FOCAD: variants seen among roughly 807,000 people sequenced by gnomAD.
The protein encoded by FOCAD is KIAA1797.
FOCAD carries 198 observed loss-of-function variants against 225.6 expected under a neutral mutation model. That is an observed-to-expected ratio of 0.88 (90% CI 0.78 to 0.99). FOCAD has a LOEUF of 0.99. FOCAD is among the 50% of genes least tolerant of loss of function. The probability of loss-of-function intolerance (pLI) is 0.00; values close to 1 mark genes in which losing one functional copy is unlikely to be tolerated. For missense variants in FOCAD, 2,713 were observed against 2,123.6 expected, an observed-to-expected ratio of 1.28 and a Z score of -5.46; for synonymous variants, 897 against 755.0, an observed-to-expected ratio of 1.19 and a Z score of -3.08.
intron 15 of FOCAD, among the ~76,000 whole-genome samples, chr9:20,835,443 G>C (rs1191345809): frequency 6.6e-6 from 1 of 152,060 alleles, no homozygotes; most frequent in East Asian, 1.9e-4. Flanking sequence ...AAAAGTGTGA[G>C]TGTAGTTTAG....
rs367871595 is a variant in FOCAD, at chr9:20,733,066, T to C, written c.288-7170T>C. On this transcript the variant is annotated intron_variant, in intron 4 of 43. Transcript: ENST00000338382. ...TACTATGAATAAGTTAGGCATAATA[T>C]CTAATCAGCTCTTTTTTGCCCTGAT... 2.6e-5 allele frequency among the ~76,000 whole-genome samples: 4 copies of C among 152,304 alleles called. 1 individual carries two copies. The highest frequency in any genetic ancestry group is 9.6e-5 in the African/African-American group (4 of 41,564).
At chr9:20,951,552 C>T (rs1298172761) in intron 34 of FOCAD, among the ~76,000 whole-genome samples, 1 of 152,126 alleles carries the variant, frequency 6.6e-6, no homozygotes, top group Non-Finnish European at 1.5e-5. Flanking sequence ...ATTCATGTTT[C>T]ATTAAAAGTC....
At chr9:20,799,364 T>C (rs574651169) in intron 11 of FOCAD, among the ~76,000 whole-genome samples, 3 of 152,296 alleles carry the variant, frequency 2.0e-5, no homozygotes, top group Admixed American at 6.5e-5. Flanking sequence ...CTATTAGGTC[T>C]GCTTGGTGCA....
chr9:20,849,762 C>T (rs1033689428), intron 15 of FOCAD, among the ~76,000 whole-genome samples: 1 of 152,018 alleles, frequency 6.6e-6, no homozygotes, highest in East Asian at 1.9e-4. Flanking sequence ...ATGTACTCTT[C>T]CCTGACATTT....
intron 10 of FOCAD, among the ~76,000 whole-genome samples, chr9:20,782,195 C>A (rs909562961): frequency 4.6e-5 from 7 of 152,166 alleles, no homozygotes; most frequent in African/African-American, 1.7e-4. Context: ...CTGAAGAGTT[C>A]TTCAGAAAAG....
chr9:20,856,346 C>T (rs902758263), intron 15 of FOCAD, among the ~76,000 whole-genome samples: 31 of 151,470 alleles, frequency 2.0e-4, no homozygotes, highest in African/African-American at 6.8e-4. Flanking sequence ...TCTCTGATGA[C>T]GTTGAGCATT....
intron 15 of FOCAD, among the ~76,000 whole-genome samples, chr9:20,849,752 A>G (rs898472769): frequency 1.1e-4 from 16 of 152,040 alleles, no homozygotes; most frequent in East Asian, 7.7e-4. Flanking sequence ...CAACTTCACT[A>G]TGTACTCTTC....
At chr9:20,749,970 C>T (rs1828398902) in intron 5 of FOCAD, among the ~76,000 whole-genome samples, 1 of 152,154 alleles carries the variant, frequency 6.6e-6, no homozygotes, top group South Asian at 2.1e-4. Context: ...TTATCATTCA[C>T]TCCTTCCTCA....
chr9:20,826,147 T>C (rs1358119966), intron 15 of FOCAD, among the ~76,000 whole-genome samples: 3 of 152,090 alleles, frequency 2.0e-5, no homozygotes, highest in African/African-American at 4.8e-5. Flanking sequence ...ATGCAGAGTA[T>C]TGTTCTTGGG....
chr9:20,727,897 G>A (rs1312637112), intron 4 of FOCAD, among the ~76,000 whole-genome samples: 4 of 152,136 alleles, frequency 2.6e-5, no homozygotes, highest in Admixed American at 2.6e-4. Context: ...TCAAATATGG[G>A]TACAGTCTTG....
chr9:20,738,615 T>A (rs1827342663), intron 4 of FOCAD, among the ~76,000 whole-genome samples: 1 of 152,176 alleles, frequency 6.6e-6, no homozygotes, highest in African/African-American at 2.4e-5. Context: ...CCTAAGAGGA[T>A]CCATATGGAA....
At chr9:20,702,096 A>T (rs1051066944) in intron 1 of FOCAD, among the ~76,000 whole-genome samples, 1 of 150,226 alleles carries the variant, frequency 6.7e-6, no homozygotes, top group Non-Finnish European at 1.5e-5. Flanking sequence ...TATTATTGTT[A>T]TTGTTATTAT....
intron 15 of FOCAD, among the ~76,000 whole-genome samples, chr9:20,853,853 C>T (rs1827908617): frequency 6.6e-6 from 1 of 151,708 alleles, no homozygotes; most frequent in South Asian, 2.1e-4. Flanking sequence ...CAACCCCTAA[C>T]CCTATATTAT....
intron 18 of FOCAD, among the ~76,000 whole-genome samples, chr9:20,872,373 C>A (rs1014169584): frequency 5.9e-5 from 9 of 152,102 alleles, no homozygotes; most frequent in Admixed American, 2.0e-4. Context: ...AAAAGTTGTA[C>A]AGAAATGATC....
Position 20,929,395 on chromosome 9 carries a change from C to T in FOCAD, c.3116C>T (p.Ala1039Val). 6.2e-7 allele frequency: 1 copy of T among 1,614,054 alleles called. No homozygotes were observed. Among genetic ancestry groups the T allele is most frequent in the South Asian group, 1.1e-5 (1 of 91,070 alleles). Residue 1039 changes from alanine to valine, a missense_variant, in exon 27 of 44, where the codon GCC becomes GTC. Transcript: ENST00000338382. ...YSGENTASAIARSAAATALSL... is the reference protein window; with the variant it reads ...YSGENTASAIVRSAAATALSL... ...GGTGAAAACACAGCTAGTGCCATTG[C>T]CCGTTCTGCTGCCGCCACGGCTTTG...
chr9:20,814,054 T>C (rs1176984949), intron 11 of FOCAD, among the ~76,000 whole-genome samples: 1 of 152,180 alleles, frequency 6.6e-6, no homozygotes, highest in African/African-American at 2.4e-5. Flanking sequence ...TTAAATATCT[T>C]CTCACTTTCA....
At chr9:20,795,694 G>T (rs571042707) in intron 11 of FOCAD, among the ~76,000 whole-genome samples, 1 of 140,114 alleles carries the variant, frequency 7.1e-6, no homozygotes, top group African/African-American at 2.7e-5. Flanking sequence ...TGAGGCAGGA[G>T]AATGGCGTGA....
chr9:20,938,525 A>G (rs1836253406), intron 28 of FOCAD, among the ~76,000 whole-genome samples: 3 of 152,094 alleles, frequency 2.0e-5, no homozygotes, highest in East Asian at 3.9e-4. Flanking sequence ...TGGGAATTGA[A>G]CAATGAGAAC....
Position 20,929,354 on chromosome 9 carries a change from C to G in FOCAD, c.3079-4C>G. On this transcript the variant is annotated splice_region_variant and splice_polypyrimidine_tract_variant and intron_variant, in intron 26 of 43. Coordinates refer to ENST00000338382, the MANE Select transcript of FOCAD (RefSeq NM_001375567.1). ...CCCTGTTTTCTTTCTTTGGCATGTCCTAGAAGTCCTATTCTGGTGAAAACA... is the reference window on the plus strand; with the variant it reads ...CCCTGTTTTCTTTCTTTGGCATGTCGTAGAAGTCCTATTCTGGTGAAAACA... 1 of 1,612,838 alleles carries G rather than the reference C, an allele frequency of 6.2e-7. No homozygotes were observed. The highest frequency in any genetic ancestry group is 8.5e-7 in the Non-Finnish European group (1 of 1,178,866).
Sources: allele counts gnomAD v4.1 joint callset (sites outside exome capture counted in the v4.1 genomes callset), GRCh38; gene constraint gnomAD v4.1.1; transcripts MANE v1.5; gene names NCBI Gene and HGNC (gene_info 2026-07-23, HGNC 2026-07-21).